DDX41: variants seen among roughly 807,000 people sequenced by gnomAD.
DDX41 encodes the protein DEAD-box helicase 41.
In DDX41, 50 loss-of-function variants were observed where a neutral mutation model predicts 78.8. That is an observed-to-expected ratio of 0.63 (90% CI 0.51 to 0.80). The LOEUF is 0.80. Among genes scored for constraint, DDX41 ranks in the 30% least tolerant of loss-of-function variants. The probability of loss-of-function intolerance (pLI) is 0.00; values close to 1 mark genes in which losing one functional copy is unlikely to be tolerated. For synonymous variants in DDX41, 381 were observed against 321.5 expected (o/e 1.19, Z -1.98); for missense variants, 633 against 849.2 (o/e 0.75, Z 3.16).
rs1761065359 is a variant in DDX41 at position 177,513,289 on chromosome 5, C to T, written c.1230+64G>A. Reference sequence around the variant, plus strand: ...GTGGACCCCCGGCTCCAATCAGCTTCAGGGAGACTTGTCAGATCCAGCCCC... The same window carrying T: ...GTGGACCCCCGGCTCCAATCAGCTTTAGGGAGACTTGTCAGATCCAGCCCC... On this transcript the variant is annotated intron_variant, in intron 11 of 16. Transcript: ENST00000330503. The surrounding 1 kb of genome is among the most constrained non-coding windows in gnomAD (Gnocchi z 4.6). 6.2e-7 allele frequency: 1 copy of T among 1,608,664 alleles called. No homozygotes were observed. Among genetic ancestry groups the T allele is most frequent in the Non-Finnish European group, 8.5e-7 (1 of 1,176,962 alleles).
intron 16 of DDX41, 32 bp from the exon 17 acceptor site, chr5:177,511,959 C>A: frequency 6.2e-7 from 1 of 1,612,204 alleles, no homozygotes; most frequent in South Asian, 1.1e-5. Flanking sequence ...TCAGCCAAGT[C>A]AAGGACCAGG....
At position 177,511,883 on chromosome 5, in the gene DDX41, T is replaced by C; in HGVS notation, c.1777A>G (p.Thr593Ala). 1 of 1,614,098 alleles carries C rather than the reference T, an allele frequency of 6.2e-7. No individual in the cohort carries two copies. Among genetic ancestry groups the C allele is most frequent in the South Asian group, 1.1e-5 (1 of 91,080 alleles). Residue 593 changes from threonine (T) to alanine (A), a missense_variant, in exon 17 of 17, where the codon ACT (threonine) becomes GCT (alanine). By Grantham distance (58) the Thr-to-Ala change is moderately conservative. Around this residue, in one of 6 missense-constraint regions of DDX41, gnomAD observed 185 missense variants for 367.4 expected, o/e 0.50. Coordinates refer to ENST00000330503, the MANE Select transcript of DDX41 (RefSeq NM_016222.4). ...ATAGCCTCGAGTTTGGGGCAGTCAG[T>C]GATCCGATGACCCAGGCCCCCGCAG... ...AFCGGLGHRI[T>A]DCPKLEAMQT...
At position 177,516,191 on chromosome 5, in the gene DDX41, G is replaced by C; in HGVS notation, c.301C>G (p.Arg101Gly). 3 of 1,614,060 alleles carry C rather than the reference G, an allele frequency of 1.9e-6. No homozygotes were observed. The highest frequency in any genetic ancestry group is 2.5e-6 in the Non-Finnish European group (3 of 1,180,046). Reference protein sequence around the residue: ...HQHLKEKAEARKESAKEKQLK... With the variant: ...HQHLKEKAEAGKESAKEKQLK... ...TGCTTCTCCTTGGCAGACTCTTTGC[G>C]CGCTGAGAAAAGAAGTGGAAGATGT... The change falls in exon 4 of 17, where the codon CGC (arginine) becomes GGC (glycine). Residue 101 changes from arginine to glycine, a missense_variant and splice_region_variant. Arg to Gly is a moderately radical substitution (Grantham distance 125, BLOSUM62 -2). Coordinates refer to ENST00000330503, the MANE Select transcript of DDX41 (RefSeq NM_016222.4).
chr5:177,516,243 G>A (rs762420952), intron 3 of DDX41, 45 bp downstream of exon 3: 21 of 1,614,036 alleles, frequency 1.3e-5, no homozygotes, highest in South Asian at 3.3e-5. Flanking sequence ...CGGTGTACCA[G>A]GCTCAGCTTC....
In DDX41 at chr5:177,516,116, T is replaced by A; in HGVS notation, c.373+3A>T. The stretch of plus-strand genomic sequence containing the variant: ...CTTCTCACTATCCTGGCTACAACCA[T>A]ACCTCGGCCCTCGGCAACACTCTCC... On this transcript the variant is annotated splice_donor_region_variant and intron_variant, in intron 4 of 16. Transcript: ENST00000330503. 2 of 1,614,008 alleles carry A rather than the reference T, an allele frequency of 1.2e-6. No homozygotes were observed. The highest frequency in any genetic ancestry group is 1.3e-5 in the African/African-American group (1 of 75,038).
At position 177,515,239 on chromosome 5, in the gene DDX41, C is replaced by T. The variant is rs149122003; in HGVS notation, c.591G>A (p.Lys197=). Residue 197 remains lysine (K), a synonymous_variant, in exon 7 of 17, where the codon AAG becomes AAA. Transcript: ENST00000330503. ...KFPAAILRGL[K]KKGIHHPTPI... ...GTGTTGGGTGGTGAATGCCTTTCTTCTTCAGGCCTCTCAGGATGGCTATGA... is the reference window on the plus strand; with the variant it reads ...GTGTTGGGTGGTGAATGCCTTTCTTTTTCAGGCCTCTCAGGATGGCTATGA... 1.9e-4 allele frequency: 300 copies of T among 1,613,900 alleles called. 1 individual carries two copies. The Middle Eastern group carries it at 4.9e-3, about 27-fold the overall frequency.
chr5:177,515,138 C>G, intron 7 of DDX41, 48 bp downstream of exon 7: 1 of 1,613,862 alleles, frequency 6.2e-7, no homozygotes, highest in Non-Finnish European at 8.5e-7. Flanking sequence ...ATTGCTCCTC[C>G]CTGTTCCAGC....
chr5:177,516,012 G>C (rs750105133), intron 4 of DDX41, 23 bp from the exon 5 acceptor site: 30 of 1,614,160 alleles, frequency 1.9e-5, no homozygotes, highest in Non-Finnish European at 2.5e-5. Context: ...ACATGGCTCA[G>C]GGCTGGCTCC....
At chr5:177,516,250 C>G in intron 3 of DDX41, 38 bp downstream of exon 3, 2 of 1,614,082 alleles carry the variant, frequency 1.2e-6, no homozygotes, top group South Asian at 1.1e-5. Context: ...CCAGGCTCAG[C>G]TTCTTCTTTC....
In DDX41 at chr5:177,514,250, G is replaced by A. The variant is rs2127436807; in HGVS notation, c.936-403C>T. The A allele has an allele frequency of 2.0e-6, 1 of 489,700 alleles. No individual in the cohort carries two copies. The highest frequency in any genetic ancestry group is 4.0e-6 in the Non-Finnish European group (1 of 249,744). 30.3% of individuals were successfully genotyped at this position (489,700 alleles called of 1,614,324 possible). On this transcript the variant is annotated intron_variant, in intron 9 of 16. Coordinates refer to ENST00000330503, the MANE Select transcript of DDX41 (RefSeq NM_016222.4). This position sits in a 1 kb window ranked among gnomAD's most constrained non-coding sequence, Gnocchi z 4.2. The stretch of plus-strand genomic sequence containing the variant: ...GGCCCATCTGTGAACAGAGGGCCTG[G>A]TCCAGGGCCTCTGGTGGTCTGCAGA...
rs1761089570 is a variant in DDX41, at chr5:177,513,707, C to T, written c.1076G>A (p.Arg359His). ...CACCTTGAAGTAGGAGAAGATGGTA[C>T]GGATGTCACCCTCGAAGCCCATGTC... The part of the protein sequence containing the change: ...MIDMGFEGDI[R>H]TIFSYFKGQR... Residue 359 changes from arginine to histidine, a missense_variant, in exon 10 of 17, where the codon CGT becomes CAT. By Grantham distance (29) the Arg-to-His change is conservative. Around this residue, in one of 6 missense-constraint regions of DDX41, gnomAD observed 185 missense variants for 367.4 expected, o/e 0.50. Transcript: ENST00000330503. The surrounding 1 kb of genome is among the most constrained non-coding windows in gnomAD (Gnocchi z 4.6). 3 of 1,613,556 alleles carry T rather than the reference C, an allele frequency of 1.9e-6. No homozygotes were observed. Among genetic ancestry groups the T allele is most frequent in the Non-Finnish European group, 2.5e-6 (3 of 1,179,996 alleles).
chr5:177,511,975 T>A (rs374051167), intron 16 of DDX41, 48 bp from the exon 17 acceptor site: 1 of 1,608,834 alleles, frequency 6.2e-7, no homozygotes, highest in Non-Finnish European at 8.5e-7. Flanking sequence ...CCAGGATCCA[T>A]GCCCTGGACT....
intron 2 of DDX41, 48 bp from the exon 3 acceptor site, chr5:177,516,495 A>C: frequency 6.2e-7 from 1 of 1,603,540 alleles, no homozygotes; most frequent in Non-Finnish European, 8.5e-7. Context: ...TGGAGTCCAC[A>C]AGGTCAGCGT....
rs774866678 is a variant in DDX41, at chr5:177,515,378, G to T, written c.572-120C>A. On this transcript the variant is annotated intron_variant, in intron 6 of 16. Transcript: ENST00000330503. ...ATGATGAAACTGAGGCTCAGAGAGA[G>T]AGAGAGAGAGTGGAAAAAAAAAAAG... 5.8e-6 allele frequency: 6 copies of T among 1,026,256 alleles called. No individual in the cohort carries two copies. In the South Asian group the frequency reaches 6.6e-5, roughly 11 times the overall value. The allele number at this position is 1,026,256 out of a possible 1,614,324, so 63.6% of individuals were successfully genotyped here.
At chr5:177,515,472 A>C (rs1253945600) in intron 6 of DDX41, 1 of 853,820 alleles carries the variant, frequency 1.2e-6, no homozygotes, top group Non-Finnish European at 1.9e-6. Flanking sequence ...GTCTATGCCC[A>C]ATGGCACTTT....
Position 177,511,628 on chromosome 5 carries a change from C to T in DDX41, c.*163G>A, listed in dbSNP as rs1245630367. ...CAGCTGGGGTAAAAGGAAACAAAAA[C>T]AGTAATTCTGAAGAGCACAGGGAAC... On this transcript the variant is annotated 3_prime_UTR_variant, in exon 17 of 17. Transcript: ENST00000330503. 1.0e-6 allele frequency: 1 copy of T among 956,540 alleles called. No homozygotes were observed. Among genetic ancestry groups the T allele is most frequent in the African/African-American group, 1.6e-5 (1 of 60,786 alleles). 59.3% of individuals were successfully genotyped at this position (956,540 alleles called of 1,614,324 possible). A position where few individuals can be genotyped will look rare whatever the true frequency, so the allele number is the denominator to read the frequency against.
chr5:177,515,190 T>TG lies in DDX41; in HGVS notation c.639dup (p.Thr214HisfsTer7). On this transcript the variant is annotated frameshift_variant, in exon 7 of 17. Coordinates refer to ENST00000330503, the MANE Select transcript of DDX41 (RefSeq NM_016222.4). LOFTEE classifies it high-confidence loss of function. ...AGGTCCACAGTCCACACTCACATGG[T>TG]GGGGATGCCCTGGATCTGAATGGGT... 1 of 1,613,956 alleles carries TG rather than the reference T, an allele frequency of 6.2e-7. No individual in the cohort carries two copies. Among genetic ancestry groups the TG allele is most frequent in the Non-Finnish European group, 8.5e-7 (1 of 1,180,022 alleles).
chr5:177,515,992 G>A lies in DDX41; in HGVS notation c.374-3C>T. 9.9e-6 allele frequency: 16 copies of A among 1,614,198 alleles called. 1 individual carries two copies. The highest frequency in any genetic ancestry group is 1.4e-5 in the Non-Finnish European group (16 of 1,180,032). On this transcript the variant is annotated splice_region_variant and splice_polypyrimidine_tract_variant and intron_variant, in intron 4 of 16. Transcript: ENST00000330503. ...CATCTCCTTCACTGACATCAATGCT[G>A]AAGAGAGAGACATGGCTCAGGGCTG...
rs748411098 is a variant in DDX41, at chr5:177,513,464, G to A, written c.1119C>T (p.Leu373=). The A allele has an allele frequency of 3.1e-6, 5 of 1,614,080 alleles. No individual in the cohort carries two copies. The highest frequency in any genetic ancestry group is 2.7e-5 in the African/African-American group (2 of 74,930). The change falls in exon 11 of 17, where the codon CTC becomes CTT. Residue 373 remains leucine, a synonymous_variant. Transcript: ENST00000330503. This position sits in a 1 kb window ranked among gnomAD's most constrained non-coding sequence, Gnocchi z 4.6. ...SYFKGQRQTL[L]FSATMPKKIQ... Reference sequence around the variant, plus strand: ...TCTTCTTCGGCATGGTGGCACTGAAGAGCAGGGTCTGTCGCTGGCCCTGAG... The same window carrying A: ...TCTTCTTCGGCATGGTGGCACTGAAAAGCAGGGTCTGTCGCTGGCCCTGAG...
Sources: gnomAD v4.1 joint callset for allele counts on GRCh38, gnomAD v4.1.1 for gene constraint, gnomAD v4.1.1 regional missense constraint, Gnocchi (gnomAD v3.1) non-coding constraint, MANE v1.5 for transcripts, NCBI Gene and HGNC (gene_info 2026-07-23, HGNC 2026-07-21) for gene names.